The following CREB5 variants were observed in gnomAD, a reference collection of about 807,000 sequenced individuals.
The protein encoded by CREB5 is cyclic AMP-responsive element-binding protein 5.
In CREB5, 19 loss-of-function variants were observed where a neutral mutation model predicts 57.1. That is an observed-to-expected ratio of 0.33 (90% CI 0.23 to 0.49). The LOEUF is 0.49. CREB5 is among the 20% of genes least tolerant of loss of function. CREB5 has a pLI of 0.99. For missense variants in CREB5, 579 were observed against 671.6 expected (o/e 0.86, Z 1.52); for synonymous variants, 238 against 238.3 (o/e 1.00, Z 0.01).
intron 4 of CREB5, among the ~76,000 whole-genome samples, chr7:28,508,124 A>G (rs369865154): frequency 6.6e-6 from 1 of 152,264 alleles, no homozygotes; most frequent in South Asian, 2.1e-4. Context: ...TGTTTTCGAT[A>G]ATCTTTCCAG....
chr7:28,727,207 T>G lies in CREB5; in HGVS notation c.702+2875T>G, dbSNP rs372854455. Among the ~76,000 whole-genome samples, 3 of 152,208 alleles carry G rather than the reference T, an allele frequency of 2.0e-5. No individual in the cohort carries two copies. The East Asian group carries it at 5.8e-4, about 29-fold the overall frequency. On this transcript the variant is annotated intron_variant, in intron 7 of 10. Transcript: ENST00000357727. ...AATTCTGGCTAATTATAATTTCATT[T>G]TATGGATTCATTTTCTGAAGAATTA...
At chr7:28,553,758 T>C (rs567570666) in intron 4 of CREB5, among the ~76,000 whole-genome samples, 6 of 152,238 alleles carry the variant, frequency 3.9e-5, no homozygotes, top group Non-Finnish European at 8.8e-5. Context: ...TTTTCTTGTT[T>C]GTTCTTAGGA....
chr7:28,513,310 G>T (rs181763141), intron 4 of CREB5, among the ~76,000 whole-genome samples: 140 of 152,300 alleles, frequency 9.2e-4, no homozygotes, highest in African/African-American at 3.3e-3. Flanking sequence ...TGATATTTGT[G>T]TAAAACAATC....
intron 5 of CREB5, among the ~76,000 whole-genome samples, chr7:28,676,545 C>T (rs1214787894): frequency 2.6e-5 from 4 of 152,150 alleles, no homozygotes; most frequent in Non-Finnish European, 5.9e-5. Context: ...GCCCTTTCTC[C>T]TCTCAAGTGC....
chr7:28,789,351 C>T (rs981620453), intron 7 of CREB5, among the ~76,000 whole-genome samples: 1 of 152,160 alleles, frequency 6.6e-6, no homozygotes, highest in Non-Finnish European at 1.5e-5. Context: ...CGCCTCTTAG[C>T]TGGGTATTTG....
At chr7:28,677,705 G>A (rs1362863134) in intron 5 of CREB5, among the ~76,000 whole-genome samples, 4 of 152,126 alleles carry the variant, frequency 2.6e-5, no homozygotes, top group Admixed American at 1.3e-4. Context: ...CAGTTTGGGT[G>A]GGTGCTAAAA....
At chr7:28,658,130 C>G (rs989420942) in intron 5 of CREB5, among the ~76,000 whole-genome samples, 3 of 152,088 alleles carry the variant, frequency 2.0e-5, no homozygotes, top group African/African-American at 7.2e-5. Context: ...CTCATAAGGG[C>G]GGAGCACGGC....
rs190283083 is a variant in CREB5, at chr7:28,819,992, T to C, written c.*713T>C. On this transcript the variant is annotated 3_prime_UTR_variant, in exon 11 of 11. Transcript: ENST00000357727. ...TTGCATGTGAATAAGAAAATAATGTTTAAAGAAAAAAAAAAAAAAGCAAAC... is the reference window on the plus strand; with the variant it reads ...TTGCATGTGAATAAGAAAATAATGTCTAAAGAAAAAAAAAAAAAAGCAAAC... The C allele has an allele frequency of 6.6e-6, 1 of 151,220 alleles. No homozygotes were observed. The highest frequency in any genetic ancestry group is 6.6e-5 in the Admixed American group (1 of 15,220). 9.4% of individuals were successfully genotyped at this position (151,220 alleles called of 1,614,324 possible). A position where few individuals can be genotyped will look rare whatever the true frequency, so the allele number is the denominator to read the frequency against.
chr7:28,787,412 A>C (rs1807395066), intron 7 of CREB5, among the ~76,000 whole-genome samples: 1 of 152,194 alleles, frequency 6.6e-6, no homozygotes, highest in Admixed American at 6.5e-5. Flanking sequence ...ATGGGTTCTA[A>C]TATACCTTCA....
chr7:28,337,899 G>A (rs949992902), intron 1 of CREB5, among the ~76,000 whole-genome samples: 10 of 152,002 alleles, frequency 6.6e-5, no homozygotes, highest in Admixed American at 3.9e-4. Flanking sequence ...TTACCATAAA[G>A]CTTGCAAACA....
intron 4 of CREB5, among the ~76,000 whole-genome samples, chr7:28,566,609 G>A (rs1266688220): frequency 6.6e-6 from 1 of 152,126 alleles, no homozygotes; most frequent in Non-Finnish European, 1.5e-5. Context: ...ACCCATAATT[G>A]GGACAATGTG....
At chr7:28,530,414 C>T (rs766072639) in intron 4 of CREB5, among the ~76,000 whole-genome samples, 2 of 152,156 alleles carry the variant, frequency 1.3e-5, no homozygotes, top group Non-Finnish European at 1.5e-5. Flanking sequence ...CTTGGGCTGT[C>T]GTCCAGGGTG....
At chr7:28,470,179 AT>A (rs1002255321) in intron 1 of CREB5, among the ~76,000 whole-genome samples, 9 of 152,022 alleles carry the variant, frequency 5.9e-5, no homozygotes, top group Non-Finnish European at 1.2e-4. Context: ...CATTCTAACT[AT>A]TTTTTTGTAC....
intron 5 of CREB5, among the ~76,000 whole-genome samples, chr7:28,707,200 C>T (rs1023582804): frequency 2.6e-5 from 4 of 152,170 alleles, no homozygotes; most frequent in Non-Finnish European, 1.5e-5. Context: ...AAATTTAGAA[C>T]AATATAGCTT....
intron 1 of CREB5, among the ~76,000 whole-genome samples, chr7:28,473,140 T>C (rs1264675985): frequency 6.6e-6 from 1 of 151,840 alleles, no homozygotes; most frequent in Non-Finnish European, 1.5e-5. Flanking sequence ...CTGGGCAACA[T>C]AGTGGGACCC....
intron 1 of CREB5, among the ~76,000 whole-genome samples, chr7:28,477,057 T>G (rs913897494): frequency 1.3e-5 from 2 of 152,212 alleles, no homozygotes; most frequent in Non-Finnish European, 2.9e-5. Context: ...AGGTGCTCAG[T>G]GACGATGTGG....
intron 9 of CREB5, among the ~76,000 whole-genome samples, chr7:28,814,669 AT>A (rs1186091338): frequency 1.3e-5 from 2 of 152,138 alleles, no homozygotes; most frequent in African/African-American, 4.8e-5. Flanking sequence ...ATAAAAAAAA[AT>A]TCTTTCTGGA....
intron 1 of CREB5, among the ~76,000 whole-genome samples, chr7:28,347,705 C>A (rs558618654): frequency 2.0e-5 from 3 of 152,304 alleles, no homozygotes; most frequent in Admixed American, 1.3e-4. Flanking sequence ...ACTTTGGCAT[C>A]CTTTCACAGA....
intron 1 of CREB5, among the ~76,000 whole-genome samples, chr7:28,300,210 C>T (rs1785076628): frequency 6.6e-6 from 1 of 152,060 alleles, no homozygotes; most frequent in South Asian, 2.1e-4. Context: ...TCTCACCTTC[C>T]TCATATGGTG....
Sources: gnomAD v4.1 joint callset for allele counts (sites outside exome capture counted in the v4.1 genomes callset) on GRCh38, gnomAD v4.1.1 for gene constraint, MANE v1.5 for transcripts, NCBI Gene and HGNC (gene_info 2026-07-23, HGNC 2026-07-21) for gene names.